HOXC11: variants seen among roughly 807,000 people sequenced by gnomAD.
HOXC11 encodes the protein homeobox protein Hox-C11.
Under a neutral mutation model 23.6 loss-of-function variants are expected in HOXC11, and 17 were observed. The ratio of observed to expected loss-of-function variants is 0.72; its 90% confidence interval spans 0.49 to 1.08. The LOEUF (loss-of-function observed/expected upper bound fraction) is 1.08. Among genes scored for constraint, HOXC11 ranks in the 50% least tolerant of loss-of-function variants. HOXC11 has a pLI of 0.00. For synonymous variants in HOXC11, 196 were observed against 183.8 expected, an observed-to-expected ratio of 1.07 and a Z score of -0.54; for missense variants, 413 against 412.1, an observed-to-expected ratio of 1.00 and a Z score of -0.02.
Position 53,975,438 on chromosome 12 carries a change from G to A in HOXC11, c.*25G>A. The A allele has an allele frequency of 1.2e-6, 1 of 863,068 alleles. No homozygotes were observed. Among genetic ancestry groups the A allele is most frequent in the Non-Finnish European group, 1.9e-6 (1 of 514,530 alleles). 53.5% of individuals were successfully genotyped at this position (863,068 alleles called of 1,614,324 possible). A position where few individuals can be genotyped will look rare whatever the true frequency, so the allele number is the denominator to read the frequency against. ...ACCTGCAGACCGGGCCCTTTTGGGG[G>A]CGGGGGGAGGGGAAAATTATTTTAT... On this transcript the variant is annotated 3_prime_UTR_variant, in exon 2 of 2. Coordinates refer to ENST00000546378, the MANE Select transcript of HOXC11 (RefSeq NM_014212.4).
chr12:53,976,491 C>T lies in HOXC11; in HGVS notation c.*1078C>T, dbSNP rs952531030. 36 of 175,700 alleles carry T rather than the reference C, an allele frequency of 2.0e-4. No homozygotes were observed. The highest frequency in any genetic ancestry group is 3.9e-4 in the Non-Finnish European group (32 of 81,334). The allele number at this position is 175,700 out of a possible 1,614,324, so 10.9% of individuals were successfully genotyped here. A position where few individuals can be genotyped will look rare whatever the true frequency, so the allele number is the denominator to read the frequency against. On this transcript the variant is annotated 3_prime_UTR_variant, in exon 2 of 2. Coordinates refer to ENST00000546378, the MANE Select transcript of HOXC11 (RefSeq NM_014212.4). The stretch of plus-strand genomic sequence containing the variant: ...ATCCTCCATGCTCCCATGGCAGCGG[C>T]GGAGGAGGAGGAGGCAGGCAGGCAG...
Position 53,975,831 on chromosome 12 carries a change from C to A in HOXC11, c.*418C>A. ...CATGTGAAAAGATCCGCTAAGACAG[C>A]ATGTCTGCCAGCGGAAACTTCTCGA... On this transcript the variant is annotated 3_prime_UTR_variant, in exon 2 of 2. Transcript: ENST00000546378. The A allele has an allele frequency of 2.4e-6, 1 of 419,338 alleles. No individual in the cohort carries two copies. The highest frequency in any genetic ancestry group is 4.2e-6 in the Non-Finnish European group (1 of 239,050). The allele number at this position is 419,338 out of a possible 1,614,324, so 26.0% of individuals were successfully genotyped here.
Position 53,973,408 on chromosome 12 carries a change from C to G in HOXC11, c.167C>G (p.Ser56Cys), listed in dbSNP as rs761527831. ...TVSSFLPQAP[S>C]RQISYPYSAQ... ...TCCTCCTTCCTGCCCCAGGCCCCCTCTCGTCAGATCTCCTATCCCTACTCG... is the reference window on the plus strand; with the variant it reads ...TCCTCCTTCCTGCCCCAGGCCCCCTGTCGTCAGATCTCCTATCCCTACTCG... The change falls in exon 1 of 2, where the codon TCT becomes TGT. Residue 56 changes from serine (S) to cysteine (C), a missense_variant. By Grantham distance (112) the Ser-to-Cys change is moderately radical. Transcript: ENST00000546378. This position sits in a 1 kb window ranked among gnomAD's most constrained non-coding sequence, Gnocchi z 4.3. The G allele has an allele frequency of 6.2e-7, 1 of 1,614,234 alleles. No homozygotes were observed. The highest frequency in any genetic ancestry group is 1.1e-5 in the South Asian group (1 of 91,086).
Position 53,976,125 on chromosome 12 carries a change from C to CTATTTTT in HOXC11, c.*713_*714insATTTTTT. 6.8e-6 allele frequency: 1 copy of CTATTTTT among 146,584 alleles called. No homozygotes were observed. 9.1% of individuals were successfully genotyped at this position (146,584 alleles called of 1,614,324 possible). On this transcript the variant is annotated 3_prime_UTR_variant, in exon 2 of 2. Coordinates refer to ENST00000546378, the MANE Select transcript of HOXC11 (RefSeq NM_014212.4). Reference sequence around the variant, plus strand: ...TAGCTATAGTCTATGCAGTCGTTACCTCTTTTTTTTTTTTTTTTAAGAAAA... The same window carrying CTATTTTT: ...TAGCTATAGTCTATGCAGTCGTTACCTATTTTTTCTTTTTTTTTTTTTTTTAAGAAAA...
rs984861461 is a variant in HOXC11 at position 53,973,453 on chromosome 12, G to T, written c.212G>T (p.Arg71Leu). ...YPYSAQVPPV[R>L]EVSYGLEPSG... is the part of the protein sequence containing the mutation. ...TACTCGGCCCAAGTGCCCCCGGTCC[G>T]GGAGGTCTCCTACGGCCTGGAGCCA... The change falls in exon 1 of 2, where the codon CGG becomes CTG. Residue 71 changes from arginine to leucine, a missense_variant. Transcript: ENST00000546378. This position sits in a 1 kb window ranked among gnomAD's most constrained non-coding sequence, Gnocchi z 4.3. The T allele has an allele frequency of 6.2e-7, 1 of 1,614,050 alleles. No homozygotes were observed.
rs1298851411 is a variant in HOXC11, at chr12:53,976,265, A to AG, written c.*859dup. ...AGCGTTTCTTTCCACCTGGAGGGAA[A>AG]GGGGGGGACGCCCCCAGTGAGATTC... On this transcript the variant is annotated 3_prime_UTR_variant, in exon 2 of 2. Coordinates refer to ENST00000546378, the MANE Select transcript of HOXC11 (RefSeq NM_014212.4). 4 of 223,156 alleles carry AG rather than the reference A, an allele frequency of 1.8e-5. No individual in the cohort carries two copies. The highest frequency in any genetic ancestry group is 2.2e-5 in the African/African-American group (1 of 44,704). The allele number at this position is 223,156 out of a possible 1,614,324, so 13.8% of individuals were successfully genotyped here.
At chr12:53,974,729 C>G (rs903038512) in intron 1 of HOXC11, among the ~76,000 whole-genome samples, 1 of 151,892 alleles carries the variant, frequency 6.6e-6, no homozygotes, top group African/African-American at 2.4e-5. Flanking sequence ...GCTTCCTCCC[C>G]GCCTCCCGAC....
chr12:53,973,561 C>T lies in HOXC11; in HGVS notation c.320C>T (p.Pro107Leu). The change falls in exon 1 of 2, where the codon CCT becomes CTT. Residue 107 changes from proline to leucine, a missense_variant. Transcript: ENST00000546378. This position sits in a 1 kb window ranked among gnomAD's most constrained non-coding sequence, Gnocchi z 4.3. ...DELMHRECLP[P>L]STVTEILMKN... ...CTTATGCACCGGGAGTGCCTGCCTCCTTCCACCGTCACCGAGATCCTCATG... is the reference window on the plus strand; with the variant it reads ...CTTATGCACCGGGAGTGCCTGCCTCTTTCCACCGTCACCGAGATCCTCATG... The T allele has an allele frequency of 6.2e-7, 1 of 1,613,142 alleles. No individual in the cohort carries two copies. Among genetic ancestry groups the T allele is most frequent in the Non-Finnish European group, 8.5e-7 (1 of 1,179,972 alleles).
chr12:53,974,545 G>A (rs943423131), intron 1 of HOXC11, among the ~76,000 whole-genome samples: 30 of 152,148 alleles, frequency 2.0e-4, no homozygotes, highest in Admixed American at 7.8e-4. Flanking sequence ...CAGGGGAATG[G>A]GGCGAGGCGG....
At position 53,973,745 on chromosome 12, in the gene HOXC11, G is replaced by C; in HGVS notation, c.504G>C (p.Glu168Asp). Residue 168 changes from glutamate to aspartate, a missense_variant, in exon 1 of 2, where the codon GAG becomes GAC. Glu to Asp is a conservative substitution (Grantham distance 45, BLOSUM62 2). Coordinates refer to ENST00000546378, the MANE Select transcript of HOXC11 (RefSeq NM_014212.4). The surrounding 1 kb of genome is among the most constrained non-coding windows in gnomAD (Gnocchi z 4.3). ...GCGGTGGCGGCGACCCGCCCGCCGA[G>C]CCCCCCTGCTCCGGCAAGGGCGAGG... ...AYCGGGDPPA[E>D]PPCSGKGEAK... 1 of 1,612,766 alleles carries C rather than the reference G, an allele frequency of 6.2e-7. No individual in the cohort carries two copies. The highest frequency in any genetic ancestry group is 8.5e-7 in the Non-Finnish European group (1 of 1,179,770).
chr12:53,974,871 A>C, intron 1 of HOXC11: 1 of 283,106 alleles, frequency 3.5e-6, no homozygotes, highest in Non-Finnish European at 6.5e-6. Context: ...GGGAGCAGAC[A>C]GGGGGCCCGA....
chr12:53,974,003 G>A, intron 1 of HOXC11, 80 bp downstream of exon 1: 2 of 1,240,766 alleles, frequency 1.6e-6, no homozygotes, highest in South Asian at 1.6e-5. Context: ...GGGGAGGCAA[G>A]GGGAGCGGGG....
chr12:53,973,416 A>C lies in HOXC11; in HGVS notation c.175A>C (p.Ile59Leu). Reference protein sequence around the residue: ...SFLPQAPSRQISYPYSAQVPP... With the variant: ...SFLPQAPSRQLSYPYSAQVPP... ...CCTGCCCCAGGCCCCCTCTCGTCAG[A>C]TCTCCTATCCCTACTCGGCCCAAGT... Residue 59 changes from isoleucine (I) to leucine (L), a missense_variant, in exon 1 of 2, where the codon ATC becomes CTC. Coordinates refer to ENST00000546378, the MANE Select transcript of HOXC11 (RefSeq NM_014212.4). The surrounding 1 kb of genome is among the most constrained non-coding windows in gnomAD (Gnocchi z 4.3). 6.2e-7 allele frequency: 1 copy of C among 1,613,852 alleles called. No homozygotes were observed. The highest frequency in any genetic ancestry group is 2.2e-5 in the East Asian group (1 of 44,840).
At position 53,973,983 on chromosome 12, in the gene HOXC11, C is replaced by A; in HGVS notation, c.682+60C>A. 2.2e-6 allele frequency: 3 copies of A among 1,366,278 alleles called. No individual in the cohort carries two copies. Among genetic ancestry groups the A allele is most frequent in the South Asian group, 1.6e-5 (1 of 63,010 alleles). 84.6% of individuals were successfully genotyped at this position (1,366,278 alleles called of 1,614,324 possible). On this transcript the variant is annotated intron_variant, in intron 1 of 1. Transcript: ENST00000546378. The surrounding 1 kb of genome is among the most constrained non-coding windows in gnomAD (Gnocchi z 4.3). ...GAGGGAGGGAGCGAGAGAGGGAGGG[C>A]GAGAGAAGGGGGGAGGCAAGGGGAG...
At chr12:53,975,073 C>T in intron 1 of HOXC11, 108 bp from the exon 2 acceptor site, 1 of 603,852 alleles carries the variant, frequency 1.7e-6, no homozygotes, top group South Asian at 2.0e-5. Flanking sequence ...GGGCTGCCCG[C>T]GGTGGGCTAG....
rs1459532982 is a variant in HOXC11 at position 53,975,762 on chromosome 12, G to C, written c.*349G>C. 1.9e-6 allele frequency: 1 copy of C among 513,968 alleles called. No homozygotes were observed. The highest frequency in any genetic ancestry group is 2.0e-5 in the African/African-American group (1 of 50,832). The allele number at this position is 513,968 out of a possible 1,614,324, so 31.8% of individuals were successfully genotyped here. A position where few individuals can be genotyped will look rare whatever the true frequency, so the allele number is the denominator to read the frequency against. ...GGTGGGGGAGGGGCGACAGTAGTGA[G>C]CGCCTGAGCCGAACAATCCTCGAAC... On this transcript the variant is annotated 3_prime_UTR_variant, in exon 2 of 2. Transcript: ENST00000546378.
intron 1 of HOXC11, chr12:53,974,860 G>A: frequency 3.6e-6 from 1 of 277,952 alleles, no homozygotes; most frequent in Non-Finnish European, 6.7e-6. Context: ...GAGGGCGGAG[G>A]GGGAGCAGAC....
rs1429021105 is a variant in HOXC11, at chr12:53,973,957, C to G, written c.682+34C>G. ...CAGCGGCCGGGGAACGGGCGGGCAGCGAGGGAGGGAGCGAGAGAGGGAGGG... is the reference window on the plus strand; with the variant it reads ...CAGCGGCCGGGGAACGGGCGGGCAGGGAGGGAGGGAGCGAGAGAGGGAGGG... On this transcript the variant is annotated intron_variant, in intron 1 of 1. Transcript: ENST00000546378. The surrounding 1 kb of genome is among the most constrained non-coding windows in gnomAD (Gnocchi z 4.3). The G allele has an allele frequency of 7.1e-7, 1 of 1,417,518 alleles. No homozygotes were observed. Among genetic ancestry groups the G allele is most frequent in the Non-Finnish European group, 9.2e-7 (1 of 1,083,170 alleles). The allele number at this position is 1,417,518 out of a possible 1,614,324, so 87.8% of individuals were successfully genotyped here.
At position 53,975,447 on chromosome 12, in the gene HOXC11, G is replaced by A. The variant is rs1421663189; in HGVS notation, c.*34G>A. ...CCGGGCCCTTTTGGGGGCGGGGGGA[G>A]GGGAAAATTATTTTATTTTATTTTT... On this transcript the variant is annotated 3_prime_UTR_variant, in exon 2 of 2. Coordinates refer to ENST00000546378, the MANE Select transcript of HOXC11 (RefSeq NM_014212.4). The A allele has an allele frequency of 4.8e-6, 3 of 620,208 alleles. No homozygotes were observed. Among genetic ancestry groups the A allele is most frequent in the Admixed American group, 1.9e-5 (1 of 51,708 alleles). 38.4% of individuals were successfully genotyped at this position (620,208 alleles called of 1,614,324 possible).
Sources: allele counts gnomAD v4.1 joint callset (sites outside exome capture counted in the v4.1 genomes callset), GRCh38; gene constraint gnomAD v4.1.1; non-coding constraint Gnocchi (gnomAD v3.1); transcripts MANE v1.5; gene names NCBI Gene and HGNC (gene_info 2026-07-23, HGNC 2026-07-21).